ZCCHC24: variants seen among roughly 807,000 people sequenced by gnomAD.
ZCCHC24 encodes the protein zinc finger CCHC-type containing 24, also known as zinc finger CCHC domain-containing protein 24.
ZCCHC24 carries 10 observed loss-of-function variants against 26.2 expected under a neutral mutation model. The observed-to-expected ratio is 0.38, with a 90% confidence interval of 0.24 to 0.65. ZCCHC24 has a LOEUF of 0.65. ZCCHC24 is among the 30% of genes least tolerant of loss of function. The pLI is 0.54. For synonymous variants in ZCCHC24, 144 were observed against 147.1 expected, an observed-to-expected ratio of 0.98 and a Z score of 0.15; for missense variants, 243 against 329.1, an observed-to-expected ratio of 0.74 and a Z score of 2.03.
chr10:79,386,832 C>G (rs563084942), intron 3 of ZCCHC24, among the ~76,000 whole-genome samples: 2 of 152,306 alleles, frequency 1.3e-5, no homozygotes, highest in East Asian at 1.9e-4. Flanking sequence ...CTGCTCTGCC[C>G]TGAGTGCTGC....
chr10:79,422,619 A>C (rs1856962192), intron 2 of ZCCHC24, among the ~76,000 whole-genome samples: 1 of 152,166 alleles, frequency 6.6e-6, no homozygotes, highest in African/African-American at 2.4e-5. Context: ...CTTCTTTTGC[A>C]ATCTCCAAGA....
At chr10:79,427,995 C>G (rs2132212912) in intron 2 of ZCCHC24, among the ~76,000 whole-genome samples, 1 of 152,296 alleles carries the variant, frequency 6.6e-6, no homozygotes, top group South Asian at 2.1e-4. Flanking sequence ...CAAACTAAAT[C>G]TAAAGCAAGC....
intron 3 of ZCCHC24, among the ~76,000 whole-genome samples, chr10:79,387,522 T>G (rs7093996): frequency 0.71 from 107,678 of 152,084 alleles, 38,612 homozygotes; most frequent in Middle Eastern, 0.84. Flanking sequence ...TCACGGGGAT[T>G]CTGCCTTCTG....
intron 1 of ZCCHC24, among the ~76,000 whole-genome samples, chr10:79,435,634 C>T (rs1048074950): frequency 1.5e-4 from 23 of 152,304 alleles, no homozygotes; most frequent in African/African-American, 4.1e-4. Flanking sequence ...ACCTTAGAGC[C>T]GAAAGGGTAG....
At chr10:79,392,207 T>C (rs755502799) in intron 3 of ZCCHC24, among the ~76,000 whole-genome samples, 13 of 152,132 alleles carry the variant, frequency 8.5e-5, no homozygotes, top group Non-Finnish European at 1.5e-4. Context: ...ACACCAGGCC[T>C]GGCCTGCACC....
chr10:79,431,408 G>A (rs866961904), intron 2 of ZCCHC24, among the ~76,000 whole-genome samples: 21 of 152,230 alleles, frequency 1.4e-4, no homozygotes, highest in African/African-American at 4.8e-4. Flanking sequence ...CAGGAAAGTC[G>A]TCAGTGGGTC....
In ZCCHC24 at chr10:79,389,230, T is replaced by C. The variant is rs180929249; in HGVS notation, c.613-2772A>G. Reference sequence around the variant, plus strand: ...TGACTGGCATCTGCCTTCTGAGTCTTCATCTCTGGGGCTGACAGAGGTTTT... The same window carrying C: ...TGACTGGCATCTGCCTTCTGAGTCTCCATCTCTGGGGCTGACAGAGGTTTT... On this transcript the variant is annotated intron_variant, in intron 3 of 3. Transcript: ENST00000372336. Among the ~76,000 whole-genome samples the C allele has an allele frequency of 4.5e-4, 68 of 152,350 alleles. No homozygotes were observed. In the East Asian group the frequency reaches 0.013, roughly 28 times the overall value.
chr10:79,399,283 G>C (rs1475810298), intron 2 of ZCCHC24, among the ~76,000 whole-genome samples: 1 of 152,174 alleles, frequency 6.6e-6, no homozygotes, highest in Non-Finnish European at 1.5e-5. Context: ...AATTTCTAAC[G>C]GAACAAAGGC....
At chr10:79,438,998 A>G (rs765401754) in intron 1 of ZCCHC24, among the ~76,000 whole-genome samples, 7 of 152,262 alleles carry the variant, frequency 4.6e-5, no homozygotes, top group African/African-American at 7.2e-5. Context: ...AGGACTGGAA[A>G]GGACCCGCAT....
At chr10:79,393,806 G>C (rs1262457765) in intron 3 of ZCCHC24, among the ~76,000 whole-genome samples, 1 of 151,932 alleles carries the variant, frequency 6.6e-6, no homozygotes, top group Non-Finnish European at 1.5e-5. Flanking sequence ...CTTGTGATAG[G>C]CCTAGCTTCC....
chr10:79,385,890 A>T lies in ZCCHC24; in HGVS notation c.*455T>A. 1 of 353,522 alleles carries T rather than the reference A, an allele frequency of 2.8e-6. No homozygotes were observed. Among genetic ancestry groups the T allele is most frequent in the Non-Finnish European group, 5.1e-6 (1 of 196,642 alleles). 21.9% of individuals were successfully genotyped at this position (353,522 alleles called of 1,614,324 possible). A position where few individuals can be genotyped will look rare whatever the true frequency, so the allele number is the denominator to read the frequency against. On this transcript the variant is annotated 3_prime_UTR_variant, in exon 4 of 4. Coordinates refer to ENST00000372336, the MANE Select transcript of ZCCHC24 (RefSeq NM_153367.4). This position sits in a 1 kb window ranked among gnomAD's most constrained non-coding sequence, Gnocchi z 4.3. ...GACTCAGGAAAGAGGGATTTCTGAG[A>T]GTGGCTTTCCATACAGGGCAAACCG...
Position 79,390,887 on chromosome 10 carries a change from G to T in ZCCHC24, c.612+3389C>A, listed in dbSNP as rs1418539130. On this transcript the variant is annotated intron_variant, in intron 3 of 3. Coordinates refer to ENST00000372336, the MANE Select transcript of ZCCHC24 (RefSeq NM_153367.4). ...CAGGTCAGGGCTCTGTGGGGCAGGA[G>T]AAATAAACCAGCCCTCTCCACCGCG... Among the ~76,000 whole-genome samples the T allele has an allele frequency of 3.3e-5, 5 of 152,146 alleles. No homozygotes were observed. The East Asian group carries it at 7.7e-4, about 23-fold the overall frequency.
At chr10:79,431,254 T>A (rs1857123108) in intron 2 of ZCCHC24, among the ~76,000 whole-genome samples, 2 of 152,152 alleles carry the variant, frequency 1.3e-5, no homozygotes, top group African/African-American at 2.4e-5. Context: ...ACCAACTAGA[T>A]CCTCAGTTGC....
intron 1 of ZCCHC24, among the ~76,000 whole-genome samples, chr10:79,443,751 G>T (rs1182384406): frequency 6.6e-6 from 1 of 152,234 alleles, no homozygotes; most frequent in East Asian, 1.9e-4. Context: ...AAGAAAGAAA[G>T]ATCCCCAGCC....
At chr10:79,436,764 C>T (rs1472374285) in intron 1 of ZCCHC24, among the ~76,000 whole-genome samples, 1 of 152,220 alleles carries the variant, frequency 6.6e-6, no homozygotes, top group Non-Finnish European at 1.5e-5. Context: ...AGTGGAGGGG[C>T]ACTCCCACCT....
At chr10:79,428,417 AGTTTTG>A (rs1857069512) in intron 2 of ZCCHC24, among the ~76,000 whole-genome samples, 1 of 41,608 alleles carries the variant, frequency 2.4e-5, no homozygotes, top group African/African-American at 1.8e-4. Flanking sequence ...GATAAATTTC[AGTTTTG>A]CAAGATAAAT....
chr10:79,385,834 T>G lies in ZCCHC24; in HGVS notation c.*511A>C. 1 of 234,880 alleles carries G rather than the reference T, an allele frequency of 4.3e-6. No homozygotes were observed. The highest frequency in any genetic ancestry group is 8.3e-6 in the Non-Finnish European group (1 of 121,174). The allele number at this position is 234,880 out of a possible 1,614,324, so 14.5% of individuals were successfully genotyped here. ...AGAGAGGTCCACTCCCCAGCCGCTGTTGGAACACATGTCCCCTTGCCACGA... is the reference window on the plus strand; with the variant it reads ...AGAGAGGTCCACTCCCCAGCCGCTGGTGGAACACATGTCCCCTTGCCACGA... On this transcript the variant is annotated 3_prime_UTR_variant, in exon 4 of 4. Coordinates refer to ENST00000372336, the MANE Select transcript of ZCCHC24 (RefSeq NM_153367.4). This position sits in a 1 kb window ranked among gnomAD's most constrained non-coding sequence, Gnocchi z 4.3.
intron 1 of ZCCHC24, 36 bp downstream of exon 1, chr10:79,445,159 G>GTGGGGCGC: frequency 7.9e-7 from 1 of 1,269,668 alleles, no homozygotes; most frequent in East Asian, 3.2e-5. Flanking sequence ...CGGTGGGGCG[G>GTGGGGCGC]TGGGGCGGTG....
At chr10:79,415,226 C>T (rs1237114986) in intron 2 of ZCCHC24, among the ~76,000 whole-genome samples, 3 of 152,162 alleles carry the variant, frequency 2.0e-5, no homozygotes, top group African/African-American at 7.2e-5. Flanking sequence ...AGGTCACTCC[C>T]CAGCCTCCAG....
Sources: gnomAD v4.1 joint callset for allele counts (sites outside exome capture counted in the v4.1 genomes callset) on GRCh38, gnomAD v4.1.1 for gene constraint, Gnocchi (gnomAD v3.1) non-coding constraint, MANE v1.5 for transcripts, NCBI Gene and HGNC (gene_info 2026-07-23, HGNC 2026-07-21) for gene names.